The following PTPRN2 variants were observed in gnomAD, a reference collection of about 807,000 sequenced individuals.
PTPRN2 encodes the protein receptor-type tyrosine-protein phosphatase N2.
In PTPRN2, 74 loss-of-function variants were observed where a neutral mutation model predicts 118.8. That is an observed-to-expected ratio of 0.62 (90% CI 0.52 to 0.76). PTPRN2 has a LOEUF of 0.76. PTPRN2 is among the 30% of genes least tolerant of loss of function. The pLI is 0.00. For missense variants in PTPRN2, 1,481 were observed against 1,394.4 expected, an observed-to-expected ratio of 1.06 and a Z score of -0.99; for synonymous variants, 641 against 608.0, an observed-to-expected ratio of 1.05 and a Z score of -0.80.
intron 21 of PTPRN2, among the ~76,000 whole-genome samples, chr7:157,551,151 A>C (rs1237957034): frequency 2.0e-5 from 3 of 152,124 alleles, no homozygotes; most frequent in Non-Finnish European, 2.9e-5. Context: ...ATGAAAGTCA[A>C]GTCCCTGCAT....
chr7:158,459,935 T>C, intron 2 of PTPRN2, among the ~76,000 whole-genome samples: 3 of 86,838 alleles, frequency 3.5e-5, no homozygotes, highest in Non-Finnish European at 4.9e-5. Flanking sequence ...TATCTACAAG[T>C]TCCTGCTACA....
intron 12 of PTPRN2, among the ~76,000 whole-genome samples, chr7:157,722,061 C>T (rs1799269984): frequency 6.6e-6 from 1 of 152,170 alleles, no homozygotes; most frequent in African/African-American, 2.4e-5. Flanking sequence ...AACCAAGAAA[C>T]ATTGTCTGTA....
At chr7:157,927,679 C>T (rs1396202629) in intron 11 of PTPRN2, among the ~76,000 whole-genome samples, 1 of 151,986 alleles carries the variant, frequency 6.6e-6, no homozygotes, top group Non-Finnish European at 1.5e-5. Context: ...GCTGGGATCA[C>T]TCAGTGCACA....
chr7:157,951,387 TC>T (rs1800798288), intron 11 of PTPRN2, among the ~76,000 whole-genome samples: 1 of 152,192 alleles, frequency 6.6e-6, no homozygotes, highest in African/African-American at 2.4e-5. Context: ...ACAGGCTGTG[TC>T]CTGGGAACAG....
At chr7:158,348,159 AC>A (rs1343577726) in intron 2 of PTPRN2, among the ~76,000 whole-genome samples, 1 of 152,064 alleles carries the variant, frequency 6.6e-6, no homozygotes, top group East Asian at 1.9e-4. Context: ...ACAGGAGTGA[AC>A]AGGTGGACAA....
chr7:158,169,375 T>A (rs13231411), intron 5 of PTPRN2, among the ~76,000 whole-genome samples: 4 of 151,270 alleles, frequency 2.6e-5, no homozygotes, highest in African/African-American at 4.9e-5. Flanking sequence ...CCCAAGTAGC[T>A]GGGACCACAG....
chr7:158,102,559 T>C (rs1815315990), intron 10 of PTPRN2, among the ~76,000 whole-genome samples: 1 of 152,156 alleles, frequency 6.6e-6, no homozygotes, highest in Non-Finnish European at 1.5e-5. Flanking sequence ...CATCAGTAAT[T>C]GTGGGCCTTG....
chr7:158,363,380 T>G (rs1809163951), intron 2 of PTPRN2, among the ~76,000 whole-genome samples: 1 of 151,982 alleles, frequency 6.6e-6, no homozygotes, highest in African/African-American at 2.4e-5. Context: ...TGGAACTAAG[T>G]CACACCCACG....
At chr7:157,949,999 G>C (rs1005740637) in intron 11 of PTPRN2, among the ~76,000 whole-genome samples, 1 of 152,224 alleles carries the variant, frequency 6.6e-6, no homozygotes, top group Admixed American at 6.5e-5. Context: ...TTGAATCACA[G>C]TCCTGAGATC....
chr7:157,816,209 C>T (rs920523742), intron 12 of PTPRN2, among the ~76,000 whole-genome samples: 16 of 152,216 alleles, frequency 1.1e-4, no homozygotes, highest in African/African-American at 1.9e-4. Context: ...CGCCTCCTAG[C>T]GTGCTCTGAG....
At chr7:157,601,807 C>T (rs78133188) in intron 16 of PTPRN2, among the ~76,000 whole-genome samples, 7 of 152,248 alleles carry the variant, frequency 4.6e-5, no homozygotes, top group Non-Finnish European at 7.3e-5. Context: ...TTGTGAATCA[C>T]GGCTTTATTC....
chr7:158,271,358 C>T (rs1798506470), intron 3 of PTPRN2, among the ~76,000 whole-genome samples: 2 of 152,228 alleles, frequency 1.3e-5, no homozygotes, highest in South Asian at 4.1e-4. Context: ...CAGATCCATA[C>T]TGTTGAAGCT....
chr7:158,453,355 A>G lies in PTPRN2; in HGVS notation c.163+36380T>C, dbSNP rs1187191489. ...TGCAGGGGGCACCACAGGGTTGGCTAACACAGCCTGGATGTAGGGGAATTG... is the reference window on the plus strand; with the variant it reads ...TGCAGGGGGCACCACAGGGTTGGCTGACACAGCCTGGATGTAGGGGAATTG... On this transcript the variant is annotated intron_variant, in intron 2 of 22. Coordinates refer to ENST00000389418, the MANE Select transcript of PTPRN2 (RefSeq NM_002847.5). Among the ~76,000 whole-genome samples the G allele has an allele frequency of 1.1e-4, 5 of 46,862 alleles. 1 individual carries two copies. Among genetic ancestry groups the G allele is most frequent in the African/African-American group, 3.2e-4 (5 of 15,584 alleles). 30.7% of individuals were successfully genotyped at this position (46,862 alleles called of 152,430 possible).
At chr7:158,075,081 G>A (rs530811415) in intron 11 of PTPRN2, among the ~76,000 whole-genome samples, 5 of 152,174 alleles carry the variant, frequency 3.3e-5, no homozygotes, top group East Asian at 1.9e-4. Flanking sequence ...GGCGGCTTTC[G>A]GGACTTGTAA....
chr7:158,063,565 G>A (rs1188769991), intron 11 of PTPRN2, among the ~76,000 whole-genome samples: 2 of 152,170 alleles, frequency 1.3e-5, no homozygotes, highest in African/African-American at 4.8e-5. Context: ...TCTGCTCTTT[G>A]CAGTAAATCT....
At chr7:157,879,760 G>T (rs969744978) in intron 12 of PTPRN2, among the ~76,000 whole-genome samples, 8 of 151,118 alleles carry the variant, frequency 5.3e-5, no homozygotes, top group African/African-American at 1.7e-4. Context: ...ACGTGAGCCC[G>T]GCTTACTCGT....
At chr7:158,355,753 G>C (rs935679792) in intron 2 of PTPRN2, among the ~76,000 whole-genome samples, 2 of 152,240 alleles carry the variant, frequency 1.3e-5, no homozygotes, top group Non-Finnish European at 2.9e-5. Context: ...TGCGTGCACA[G>C]GAGCCAGCCT....
At chr7:157,754,448 G>A (rs1412407067) in intron 12 of PTPRN2, among the ~76,000 whole-genome samples, 2 of 152,250 alleles carry the variant, frequency 1.3e-5, no homozygotes, top group Non-Finnish European at 2.9e-5. Flanking sequence ...GGGAGGAGGC[G>A]GTGTGGGACC....
intron 11 of PTPRN2, among the ~76,000 whole-genome samples, chr7:158,005,075 A>ATTTTTT (rs67167916): frequency 7.1e-6 from 1 of 140,284 alleles, no homozygotes; most frequent in Non-Finnish European, 1.5e-5. Context: ...TGTGGCCACT[A>ATTTTTT]TTTTTTTTTT....
Sources: allele counts gnomAD v4.1 joint callset (sites outside exome capture counted in the v4.1 genomes callset), GRCh38; gene constraint gnomAD v4.1.1; transcripts MANE v1.5; gene names NCBI Gene and HGNC (gene_info 2026-07-23, HGNC 2026-07-21).